The following BBS7 variants were observed in gnomAD, a reference collection of about 807,000 sequenced individuals.
BBS7 encodes Bardet-Biedl syndrome 7, also known as BBSome complex member BBS7.
A neutral mutation model predicts 90.3 loss-of-function variants in BBS7; 50 were observed. The ratio of observed to expected loss-of-function variants is 0.55; its 90% CI spans 0.44 to 0.70. The LOEUF (loss-of-function observed/expected upper bound fraction) is 0.70, where lower values mean the gene tolerates loss of function less well. Among genes scored for constraint, BBS7 ranks in the 30% least tolerant of loss-of-function variants. The pLI, the probability that BBS7 is intolerant of heterozygous loss-of-function variation, is 0.00. For synonymous variants in BBS7, 235 were observed against 287.4 expected (o/e 0.82, Z 1.85); for missense variants, 729 against 838.9 (o/e 0.87, Z 1.62).
chr4:121,866,281 C>A (rs1727267323), intron 2 of BBS7, among the ~76,000 whole-genome samples: 1 of 152,078 alleles, frequency 6.6e-6, no homozygotes, highest in Admixed American at 6.6e-5. Flanking sequence ...AGGTCTTATT[C>A]ATTAACTATT....
rs749836674 is a variant in BBS7, at chr4:121,853,106, A to G, written c.719-20T>C. ...AAATACCTTTAAAAAGAGATATGTG[A>G]TAAGTTATTAAGAAGACTAATAGTT... On this transcript the variant is annotated intron_variant, in intron 7 of 18. Transcript: ENST00000264499. The G allele has an allele frequency of 2.5e-6, 4 of 1,609,266 alleles. No homozygotes were observed. Among genetic ancestry groups the G allele is most frequent in the South Asian group, 2.2e-5 (2 of 90,964 alleles).
rs769405089 is a variant in BBS7, at chr4:121,828,423, C to T, written c.1869G>A (p.Val623=). The T allele has an allele frequency of 6.8e-6, 11 of 1,613,888 alleles. No homozygotes were observed. In the South Asian group the frequency reaches 8.8e-5, roughly 13 times the overall value. ...LEYQLLLAKK[V]QLIDALKELQ... is the part of the protein sequence containing the mutation. ...TTACTTTTAAAGCATCAATTAACTG[C>T]ACTTTCTTAGCCAAAAGCAACTGGT... Residue 623 remains valine (V), a synonymous_variant, in exon 17 of 19, where the codon GTG becomes GTA. Coordinates refer to ENST00000264499, the MANE Select transcript of BBS7 (RefSeq NM_176824.3).
At chr4:121,867,008 T>C (rs959106076) in intron 2 of BBS7, among the ~76,000 whole-genome samples, 1 of 152,200 alleles carries the variant, frequency 6.6e-6, no homozygotes, top group Admixed American at 6.5e-5. Flanking sequence ...AATCTGTAGA[T>C]TGCTTTGGGT....
chr4:121,827,788 A>T, intron 18 of BBS7: 1 of 947,116 alleles, frequency 1.1e-6, no homozygotes, highest in Non-Finnish European at 1.3e-6. Flanking sequence ...TTTATAATTC[A>T]CAATAGCAAC....
intron 18 of BBS7, among the ~76,000 whole-genome samples, chr4:121,827,112 G>A (rs1280600978): frequency 6.6e-6 from 1 of 152,124 alleles, no homozygotes; most frequent in East Asian, 1.9e-4. Context: ...AAAAAACTTT[G>A]GTTTACAAAG....
intron 15 of BBS7, among the ~76,000 whole-genome samples, chr4:121,830,409 TA>T (rs897208623): frequency 3.7e-4 from 56 of 150,800 alleles, no homozygotes; most frequent in Non-Finnish European, 6.7e-4. Flanking sequence ...TCAAAACAAA[TA>T]AAAAAAAAGA....
intron 3 of BBS7, among the ~76,000 whole-genome samples, chr4:121,862,366 T>C (rs1275331892): frequency 1.3e-5 from 2 of 152,174 alleles, no homozygotes; most frequent in African/African-American, 4.8e-5. Flanking sequence ...CATGACTTTA[T>C]ATACAGAGAA....
rs112123838 is a variant in BBS7, at chr4:121,845,748, T to A, written c.1038-52A>T. 9 of 1,487,820 alleles carry A rather than the reference T, an allele frequency of 6.0e-6. No homozygotes were observed. The African/African-American group carries it at 6.9e-5, about 11-fold the overall frequency. 92.2% of individuals were successfully genotyped at this position (1,487,820 alleles called of 1,614,324 possible). A position where few individuals can be genotyped will look rare whatever the true frequency, so the allele number is the denominator to read the frequency against. On this transcript the variant is annotated intron_variant, in intron 10 of 18. Transcript: ENST00000264499. ...CAAATATAAGTATAAACATTTGAGG[T>A]CGTTAGGATGTTTACAAAAATTTGA...
Position 121,867,977 on chromosome 4 carries a change from G to A in BBS7, c.102+4C>T. 3 of 1,610,096 alleles carry A rather than the reference G, an allele frequency of 1.9e-6. No individual in the cohort carries two copies. Among genetic ancestry groups the A allele is most frequent in the Non-Finnish European group, 2.5e-6 (3 of 1,176,490 alleles). Reference sequence around the variant, plus strand: ...TAGTGGAGAAATCAGAATCTATACAGTACCTTTTGTGTAGCTCTGTGTCTT... The same window carrying A: ...TAGTGGAGAAATCAGAATCTATACAATACCTTTTGTGTAGCTCTGTGTCTT... On this transcript the variant is annotated splice_donor_region_variant and intron_variant, in intron 2 of 18. Transcript: ENST00000264499.
intron 2 of BBS7, 33 bp from the exon 3 acceptor site, chr4:121,863,312 A>G (rs1442256553): frequency 6.6e-7 from 1 of 1,509,438 alleles, no homozygotes; most frequent in African/African-American, 1.4e-5. Flanking sequence ...TAAAATTACT[A>G]TTATTAATAT....
intron 5 of BBS7, among the ~76,000 whole-genome samples, chr4:121,857,121 CT>C (rs113652840): frequency 5.9e-4 from 84 of 143,474 alleles, no homozygotes; most frequent in Non-Finnish European, 6.5e-4. Context: ...TATGCTTTAT[CT>C]TTTTTTTTTT....
intron 13 of BBS7, 54 bp downstream of exon 13, chr4:121,839,577 G>T: frequency 7.4e-7 from 1 of 1,358,934 alleles, no homozygotes; most frequent in Non-Finnish European, 1.1e-6. Context: ...AGACATACCA[G>T]CAGGAAAAAG....
intron 9 of BBS7, 28 bp downstream of exon 9, chr4:121,848,816 T>G: frequency 1.9e-6 from 3 of 1,567,492 alleles, no homozygotes; most frequent in Non-Finnish European, 2.6e-6. Context: ...TGACTCTTTC[T>G]TCAATTACCT....
At chr4:121,856,522 C>T (rs540615176) in intron 5 of BBS7, among the ~76,000 whole-genome samples, 1 of 152,170 alleles carries the variant, frequency 6.6e-6, no homozygotes, top group African/African-American at 2.4e-5. Flanking sequence ...CAAGACCAGC[C>T]TGACCAACAT....
At position 121,825,764 on chromosome 4, in the gene BBS7, T is replaced by C; in HGVS notation, c.*96A>G. On this transcript the variant is annotated 3_prime_UTR_variant, in exon 19 of 19. Coordinates refer to ENST00000264499, the MANE Select transcript of BBS7 (RefSeq NM_176824.3). ...AATATTTTTAGATATAAAAAAGCATTTGAAATTAAAGTACATACACAGTTA... is the reference window on the plus strand; with the variant it reads ...AATATTTTTAGATATAAAAAAGCATCTGAAATTAAAGTACATACACAGTTA... 8.0e-7 allele frequency: 1 copy of C among 1,254,618 alleles called. No individual in the cohort carries two copies. The highest frequency in any genetic ancestry group is 1.1e-6 in the Non-Finnish European group (1 of 906,792). 77.7% of individuals were successfully genotyped at this position (1,254,618 alleles called of 1,614,324 possible). A position where few individuals can be genotyped will look rare whatever the true frequency, so the allele number is the denominator to read the frequency against.
At chr4:121,844,700 T>C (rs1725917035) in intron 11 of BBS7, among the ~76,000 whole-genome samples, 1 of 152,212 alleles carries the variant, frequency 6.6e-6, no homozygotes, top group Non-Finnish European at 1.5e-5. Context: ...AATAAGTCAG[T>C]AAATATATAC....
At chr4:121,839,488 T>A (rs1425247742) in intron 13 of BBS7, 143 bp downstream of exon 13, 1 of 700,746 alleles carries the variant, frequency 1.4e-6, no homozygotes, top group Non-Finnish European at 2.5e-6. Flanking sequence ...ACATCCTAAC[T>A]GGTCATTCAA....
chr4:121,826,148 C>A (rs979466453), intron 18 of BBS7, among the ~76,000 whole-genome samples, 155 bp from the exon 19 acceptor site: 1 of 152,090 alleles, frequency 6.6e-6, no homozygotes, highest in African/African-American at 2.4e-5. Context: ...TAAAAATAGT[C>A]ATTTTGGGGG....
chr4:121,863,236 A>G lies in BBS7; in HGVS notation c.146T>C (p.Met49Thr), dbSNP rs763772596. 1 of 1,613,886 alleles carries G rather than the reference A, an allele frequency of 6.2e-7. No homozygotes were observed. The highest frequency in any genetic ancestry group is 8.5e-7 in the Non-Finnish European group (1 of 1,179,884). The change falls in exon 3 of 19, where the codon ATG (methionine) becomes ACG (threonine). Residue 49 changes from methionine (M) to threonine (T), a missense_variant. Physicochemically the swap from Met to Thr is moderately conservative, Grantham distance 81. Transcript: ENST00000264499. Reference protein sequence around the residue: ...DHDGVVMCFGMKKGEAAAVFK... With the variant: ...DHDGVVMCFGTKKGEAAAVFK... ...ACTTACTGCTGCTTCTCCTTTCTTC[A>G]TGCCAAAGCACATAACTACCCCATC...
Sources: allele counts gnomAD v4.1 joint callset (sites outside exome capture counted in the v4.1 genomes callset), GRCh38; gene constraint gnomAD v4.1.1; transcripts MANE v1.5; gene names NCBI Gene and HGNC (gene_info 2026-07-23, HGNC 2026-07-21).